Variants in PPARGC1A observed in about 807,000 individuals in gnomAD.
PPARGC1A encodes peroxisome proliferator-activated receptor gamma coactivator 1-alpha.
Under a neutral mutation model 88.7 loss-of-function variants are expected in PPARGC1A, and 25 were observed. The ratio of observed to expected loss-of-function variants is 0.28; its 90% CI spans 0.21 to 0.39. The LOEUF (loss-of-function observed/expected upper bound fraction) is 0.39, where lower values mean the gene tolerates loss of function less well. PPARGC1A is among the 10% of genes least tolerant of loss of function. The pLI, the probability that PPARGC1A is intolerant of heterozygous loss-of-function variation, is 1.00. For missense variants in PPARGC1A, 880 were observed against 968.7 expected (o/e 0.91, Z 1.22); for synonymous variants, 363 against 355.6 (o/e 1.02, Z -0.24).
chr4:23,856,417 T>A (rs1005204942), intron 2 of PPARGC1A, among the ~76,000 whole-genome samples: 12 of 152,178 alleles, frequency 7.9e-5, no homozygotes, highest in Non-Finnish European at 1.6e-4. Context: ...ATCAGCCCCA[T>A]CAGAGAGAGG....
At chr4:24,210,153 T>G in the PPARGC1A span, among the ~76,000 whole-genome samples, 1 of 152,138 alleles carries the variant, frequency 6.6e-6, no homozygotes, top group Non-Finnish European at 1.5e-5. Context: ...GGTCAAAAAT[T>G]CTCTGTCCTG....
intron 1 of PPARGC1A, among the ~76,000 whole-genome samples, chr4:23,898,292 T>C (rs1228127617): frequency 6.6e-6 from 1 of 152,232 alleles, no homozygotes; most frequent in Non-Finnish European, 1.5e-5. Context: ...AGGATAGCGT[T>C]ACCTTTTCAA....
the PPARGC1A span, among the ~76,000 whole-genome samples, chr4:23,930,958 A>T: frequency 6.6e-6 from 1 of 152,378 alleles, no homozygotes; most frequent in Non-Finnish European, 1.5e-5. Context: ...ACTTTGGCTT[A>T]GAACACAAGG....
chr4:23,992,439 C>A, the PPARGC1A span, among the ~76,000 whole-genome samples: 4 of 152,050 alleles, frequency 2.6e-5, no homozygotes, highest in African/African-American at 9.6e-5. Flanking sequence ...CTACATAACA[C>A]CCTGTAAAAT....
At chr4:24,415,468 A>G in the PPARGC1A span, among the ~76,000 whole-genome samples, 1 of 152,206 alleles carries the variant, frequency 6.6e-6, no homozygotes, top group African/African-American at 2.4e-5. Flanking sequence ...AGCAGAGGCC[A>G]AAGGTTTTGA....
chr4:24,261,173 CTCTT>C, the PPARGC1A span, among the ~76,000 whole-genome samples: 2 of 152,178 alleles, frequency 1.3e-5, no homozygotes, highest in African/African-American at 4.8e-5. Flanking sequence ...TCCATTGTTC[CTCTT>C]TCTGCCTTCC....
chr4:24,389,311 G>A, the PPARGC1A span, among the ~76,000 whole-genome samples: 3 of 151,940 alleles, frequency 2.0e-5, no homozygotes, highest in African/African-American at 7.3e-5. Context: ...ATAATAATGT[G>A]TCCCCTCATA....
the PPARGC1A span, among the ~76,000 whole-genome samples, chr4:24,046,107 A>G: frequency 1.3e-5 from 2 of 152,310 alleles, no homozygotes; most frequent in Admixed American, 1.3e-4. Context: ...ACATCCTAAA[A>G]TAATCCTGAT....
At chr4:24,335,941 A>G in the PPARGC1A span, among the ~76,000 whole-genome samples, 1 of 152,232 alleles carries the variant, frequency 6.6e-6, no homozygotes, top group Non-Finnish European at 1.5e-5. Context: ...TATTCAGAAT[A>G]AATACATAAA....
At chr4:24,328,656 G>A in the PPARGC1A span, among the ~76,000 whole-genome samples, 1 of 152,196 alleles carries the variant, frequency 6.6e-6, no homozygotes, top group Admixed American at 6.5e-5. Context: ...GCACTAAACA[G>A]TGAAGGCCGT....
At chr4:24,471,253 C>T in the PPARGC1A span, among the ~76,000 whole-genome samples, 2 of 151,996 alleles carry the variant, frequency 1.3e-5, no homozygotes, top group African/African-American at 4.8e-5. This position sits in a 1 kb window ranked among gnomAD's most constrained non-coding sequence, Gnocchi z 5.4. Flanking sequence ...ATGCCTTTCA[C>T]CATTGCTCCT....
the PPARGC1A span, among the ~76,000 whole-genome samples, chr4:24,443,307 A>G: frequency 6.6e-6 from 1 of 150,640 alleles, no homozygotes; most frequent in East Asian, 1.9e-4. Context: ...CGTAAAGAGT[A>G]GGGAAGGAAG....
the PPARGC1A span, among the ~76,000 whole-genome samples, chr4:24,335,880 C>T: frequency 6.6e-6 from 1 of 152,012 alleles, no homozygotes; most frequent in Admixed American, 6.6e-5. Context: ...CCTAGTGCTA[C>T]AATAGCTAAA....
the PPARGC1A span, among the ~76,000 whole-genome samples, chr4:24,080,075 A>G: frequency 6.6e-6 from 1 of 152,064 alleles, no homozygotes; most frequent in Non-Finnish European, 1.5e-5. Flanking sequence ...TCAAGTTTCC[A>G]GAAAACTACA....
the PPARGC1A span, among the ~76,000 whole-genome samples, chr4:24,273,875 C>A: frequency 6.6e-6 from 1 of 151,634 alleles, no homozygotes; most frequent in Non-Finnish European, 1.5e-5. Flanking sequence ...GGATTACAGG[C>A]ACCCGCCACC....
the PPARGC1A span, among the ~76,000 whole-genome samples, chr4:23,982,224 T>C: frequency 1.4e-5 from 2 of 147,716 alleles, no homozygotes; most frequent in African/African-American, 5.0e-5. Flanking sequence ...ATAATAGTAG[T>C]TTAAACAAAA....
At chr4:24,328,983 C>T in the PPARGC1A span, among the ~76,000 whole-genome samples, 4 of 152,212 alleles carry the variant, frequency 2.6e-5, no homozygotes, top group Admixed American at 1.3e-4. Context: ...AAACAGGGCA[C>T]CTGTGTCAGT....
chr4:24,087,791 T>C, the PPARGC1A span, among the ~76,000 whole-genome samples: 1 of 152,222 alleles, frequency 6.6e-6, no homozygotes, highest in Non-Finnish European at 1.5e-5. Context: ...GATGGTTATA[T>C]GCTTAAATGG....
chr4:24,426,067 A>T, the PPARGC1A span, among the ~76,000 whole-genome samples: 1 of 152,214 alleles, frequency 6.6e-6, no homozygotes, highest in Non-Finnish European at 1.5e-5. Flanking sequence ...AACACAAGCA[A>T]TCATAAATAT....
Sources: allele counts gnomAD v4.1 joint callset (sites outside exome capture counted in the v4.1 genomes callset), GRCh38; gene constraint gnomAD v4.1.1; non-coding constraint Gnocchi (gnomAD v3.1); transcripts MANE v1.5; gene names NCBI Gene and HGNC (gene_info 2026-07-23, HGNC 2026-07-21).